Variants in DNAJA2 observed in about 807,000 individuals in gnomAD.
The protein encoded by DNAJA2 is DnaJ heat shock protein family (Hsp40) member A2, also known as dnaJ homolog subfamily A member 2.
In DNAJA2, 6 loss-of-function variants were observed where a neutral mutation model predicts 49.3. The observed-to-expected ratio is 0.12, with a 90% CI of 0.07 to 0.24. The LOEUF (loss-of-function observed/expected upper bound fraction) is 0.24, where lower values mean the gene tolerates loss of function less well. DNAJA2 is among the 10% of genes least tolerant of loss of function. The probability of loss-of-function intolerance (pLI) is 1.00; values close to 1 mark genes in which losing one functional copy is unlikely to be tolerated. For missense variants in DNAJA2, 347 were observed against 516.8 expected (o/e 0.67, Z 3.19); for synonymous variants, 160 against 172.7 (o/e 0.93, Z 0.58).
chr16:46,962,939 A>G (rs1382802946), intron 6 of DNAJA2, among the ~76,000 whole-genome samples: 4 of 152,182 alleles, frequency 2.6e-5, no homozygotes, highest in African/African-American at 7.2e-5. Context: ...TTGGATTCTT[A>G]AAGTGATTTT....
chr16:46,966,762 G>C (rs1412147371), intron 5 of DNAJA2, among the ~76,000 whole-genome samples: 4 of 152,102 alleles, frequency 2.6e-5, no homozygotes, highest in Non-Finnish European at 2.9e-5. Flanking sequence ...ATTCTGAAAA[G>C]CTAACTAAAG....
chr16:46,971,337 C>G lies in DNAJA2; in HGVS notation c.362+12G>C. On this transcript the variant is annotated intron_variant, in intron 3 of 8. Coordinates refer to ENST00000317089, the MANE Select transcript of DNAJA2 (RefSeq NM_005880.4). Reference sequence around the variant, plus strand: ...TACTTAATTTTTTAAAACAACAAAACAAGATATTCACTTGAGTGGATGCAT... The same window carrying G: ...TACTTAATTTTTTAAAACAACAAAAGAAGATATTCACTTGAGTGGATGCAT... 6.3e-7 allele frequency: 1 copy of G among 1,598,628 alleles called. No homozygotes were observed. The highest frequency in any genetic ancestry group is 1.1e-5 in the South Asian group (1 of 88,664).
chr16:46,964,548 C>T, intron 6 of DNAJA2, 63 bp downstream of exon 6: 1 of 1,501,796 alleles, frequency 6.7e-7, no homozygotes, highest in Non-Finnish European at 9.0e-7. Context: ...TAACCTATTT[C>T]TCACAAGCAA....
chr16:46,970,756 A>AAAAAG (rs1962033694), intron 3 of DNAJA2, among the ~76,000 whole-genome samples: 3 of 145,388 alleles, frequency 2.1e-5, no homozygotes, highest in Non-Finnish European at 4.5e-5. Flanking sequence ...AAAAAAAAAA[A>AAAAAG]GGTCGGGCAC....
At chr16:46,967,430 G>C (rs1253931850) in intron 5 of DNAJA2, 83 bp downstream of exon 5, 16 of 1,558,020 alleles carry the variant, frequency 1.0e-5, no homozygotes, top group Non-Finnish European at 1.3e-5. Context: ...AATACCCTTT[G>C]AAATAAAAAA....
chr16:46,958,589 C>CAA lies in DNAJA2; in HGVS notation c.1047+412_1047+413dup, dbSNP rs55985650. 6.0e-4 allele frequency: 88 copies of CAA among 147,092 alleles called. 1 individual carries two copies. In the South Asian group the frequency reaches 7.4e-3, roughly 12 times the overall value. 9.1% of individuals were successfully genotyped at this position (147,092 alleles called of 1,614,324 possible). A position where few individuals can be genotyped will look rare whatever the true frequency, so the allele number is the denominator to read the frequency against. ...AAAAAAAAAAACAAAAACAAACAAACAAAAAAACCCCATAAACAAACAAAC... is the reference window on the plus strand; with the variant it reads ...AAAAAAAAAAACAAAAACAAACAAACAAAAAAAAACCCCATAAACAAACAAAC... On this transcript the variant is annotated intron_variant, in intron 8 of 8. Transcript: ENST00000317089.
intron 1 of DNAJA2, among the ~76,000 whole-genome samples, chr16:46,973,228 G>A (rs1034738501): frequency 6.6e-6 from 1 of 152,146 alleles, no homozygotes; most frequent in Non-Finnish European, 1.5e-5. Flanking sequence ...GAGGGAGGAA[G>A]GAAGGGCTCC....
intron 6 of DNAJA2, among the ~76,000 whole-genome samples, chr16:46,961,122 T>G (rs1017415364): frequency 3.3e-5 from 5 of 152,218 alleles, no homozygotes; most frequent in Middle Eastern, 3.2e-3. Context: ...TTAGGATGCA[T>G]GCAGTGGCTC....
chr16:46,973,203 C>T (rs1962081891), intron 1 of DNAJA2, among the ~76,000 whole-genome samples: 1 of 152,144 alleles, frequency 6.6e-6, no homozygotes. Flanking sequence ...TACCAGCCCC[C>T]GGCGCTCGTT....
chr16:46,961,335 G>A (rs1255126900), intron 6 of DNAJA2, among the ~76,000 whole-genome samples: 3 of 148,476 alleles, frequency 2.0e-5, no homozygotes, highest in South Asian at 4.3e-4. Flanking sequence ...AACAGAGATC[G>A]CGCCACTGCA....
intron 3 of DNAJA2, 56 bp from the exon 4 acceptor site, chr16:46,968,220 G>T: frequency 1.6e-6 from 2 of 1,265,956 alleles, no homozygotes; most frequent in Non-Finnish European, 2.2e-6. Flanking sequence ...TCAAATACAA[G>T]ATATAAGTAA....
intron 6 of DNAJA2, among the ~76,000 whole-genome samples, chr16:46,963,070 T>A (rs1961921313): frequency 6.6e-6 from 1 of 152,194 alleles, no homozygotes; most frequent in South Asian, 2.1e-4. Flanking sequence ...TTAAAAAGAA[T>A]AACCTTTCAC....
intron 5 of DNAJA2, among the ~76,000 whole-genome samples, chr16:46,967,015 C>A (rs941524874): frequency 6.6e-6 from 1 of 152,216 alleles, no homozygotes; most frequent in Non-Finnish European, 1.5e-5. Context: ...TCACCTTTCA[C>A]TAACACAATA....
At chr16:46,972,006 A>T (rs760567520) in intron 1 of DNAJA2, 51 bp from the exon 2 acceptor site, 1 of 1,271,904 alleles carries the variant, frequency 7.9e-7, no homozygotes, top group Non-Finnish European at 1.1e-6. Context: ...ACCAGTTAAA[A>T]GTTTTGTAAT....
Position 46,955,986 on chromosome 16 carries a change from T to A in DNAJA2, c.*1043A>T, listed in dbSNP as rs1024054993. On this transcript the variant is annotated 3_prime_UTR_variant, in exon 9 of 9. Coordinates refer to ENST00000317089, the MANE Select transcript of DNAJA2 (RefSeq NM_005880.4). Reference sequence around the variant, plus strand: ...ACATTACAGAAACTCAAAATAATAATCAATGGCTTCTCCAATTCCAAATAT... The same window carrying A: ...ACATTACAGAAACTCAAAATAATAAACAATGGCTTCTCCAATTCCAAATAT... 6.6e-6 allele frequency: 1 copy of A among 152,248 alleles called. No individual in the cohort carries two copies. The allele number at this position is 152,248 out of a possible 1,614,324, so 9.4% of individuals were successfully genotyped here.
At position 46,971,453 on chromosome 16, in the gene DNAJA2, A is replaced by G; in HGVS notation, c.258T>C (p.Asp86=). The G allele has an allele frequency of 6.2e-7, 1 of 1,614,106 alleles. No homozygotes were observed. The highest frequency in any genetic ancestry group is 1.3e-5 in the African/African-American group (1 of 75,036). ...CCCCACCAAAAATGTGAGAGAAAAT[A>G]TCATCCATGCCACCACCTCCGCCGC... ...EGSGGGGGMD[D]IFSHIFGGGL... is the part of the protein sequence containing the mutation. The change falls in exon 3 of 9, where the codon GAT becomes GAC. Residue 86 remains aspartate (D), a synonymous_variant. Coordinates refer to ENST00000317089, the MANE Select transcript of DNAJA2 (RefSeq NM_005880.4).
At chr16:46,971,818 C>A in intron 2 of DNAJA2, 78 bp downstream of exon 2, 1 of 1,297,426 alleles carries the variant, frequency 7.7e-7, no homozygotes, top group Non-Finnish European at 1.1e-6. Flanking sequence ...TTTTTTCCTG[C>A]AACATTCCTC....
rs534510669 is a variant in DNAJA2 at position 46,966,620 on chromosome 16, CA to C, written c.577+892del. Among the ~76,000 whole-genome samples the C allele has an allele frequency of 3.6e-4, 55 of 152,146 alleles. No individual in the cohort carries two copies. In the South Asian group the frequency reaches 0.011, roughly 31 times the overall value. ...TTTATAATTAAAATTTTAATCAGAA[CA>C]CAGCCATATCCATGTGTCTGTGGCC... On this transcript the variant is annotated intron_variant, in intron 5 of 8. Coordinates refer to ENST00000317089, the MANE Select transcript of DNAJA2 (RefSeq NM_005880.4).
intron 6 of DNAJA2, among the ~76,000 whole-genome samples, chr16:46,963,438 A>T (rs1961926276): frequency 6.6e-6 from 1 of 151,820 alleles, no homozygotes. Flanking sequence ...GGAAGTTGAG[A>T]CAGGAGGATC....
Sources: gnomAD v4.1 joint callset for allele counts (sites outside exome capture counted in the v4.1 genomes callset) on GRCh38, gnomAD v4.1.1 for gene constraint, MANE v1.5 for transcripts, NCBI Gene and HGNC (gene_info 2026-07-23, HGNC 2026-07-21) for gene names.